The following CMTR1 variants were observed in gnomAD, a reference collection of about 807,000 sequenced individuals.
The protein encoded by CMTR1 is cap-specific mRNA (nucleoside-2'-O-)-methyltransferase 1.
In CMTR1, 39 loss-of-function variants were observed where a neutral mutation model predicts 107.0. The observed-to-expected ratio is 0.36, with a 90% confidence interval of 0.28 to 0.48. The LOEUF is 0.48. CMTR1 is among the 20% of genes least tolerant of loss of function. CMTR1 has a pLI of 0.99. For missense variants in CMTR1, 672 were observed against 1,064.9 expected, an observed-to-expected ratio of 0.63 and a Z score of 5.14; for synonymous variants, 366 against 379.5, an observed-to-expected ratio of 0.96 and a Z score of 0.41.
At chr6:37,471,438 G>A (rs549858788) in intron 14 of CMTR1, among the ~76,000 whole-genome samples, 5 of 152,296 alleles carry the variant, frequency 3.3e-5, no homozygotes, top group Non-Finnish European at 7.3e-5. Context: ...GAAACCTCGG[G>A]TAGGGGGTGA....
intron 11 of CMTR1, 117 bp from the exon 12 acceptor site, chr6:37,461,853 T>C: frequency 1.7e-6 from 2 of 1,210,020 alleles, no homozygotes; most frequent in South Asian, 2.8e-5. Context: ...TGTCTCTGAG[T>C]TTTAACAGAC....
chr6:37,427,042 C>T, the CMTR1 span, among the ~76,000 whole-genome samples: 1 of 152,154 alleles, frequency 6.6e-6, no homozygotes, highest in Non-Finnish European at 1.5e-5. This position sits in a 1 kb window ranked among gnomAD's most constrained non-coding sequence, Gnocchi z 4.4. Context: ...TACCCTGGCT[C>T]CCACAAGCTG....
rs369880709 is a variant in CMTR1, at chr6:37,473,548, G to C, written c.1768G>C (p.Asp590His). The change falls in exon 17 of 24, where the codon GAC becomes CAC. Residue 590 changes from aspartate (D) to histidine (H), a missense_variant. Transcript: ENST00000373451. ...KTLEKIRPVFDYRCMVSGSEQ... is the reference protein window; with the variant it reads ...KTLEKIRPVFHYRCMVSGSEQ... ...CCTGGAGAAGATCCGCCCTGTGTTTGACTACCGCTGCATGGTATCTGGCAG... is the reference window on the plus strand; with the variant it reads ...CCTGGAGAAGATCCGCCCTGTGTTTCACTACCGCTGCATGGTATCTGGCAG... 6.2e-7 allele frequency: 1 copy of C among 1,614,006 alleles called. No individual in the cohort carries two copies. The highest frequency in any genetic ancestry group is 8.5e-7 in the Non-Finnish European group (1 of 1,180,028).
At chr6:37,441,252 A>G (rs115628554) in intron 2 of CMTR1, among the ~76,000 whole-genome samples, 5,703 of 152,268 alleles carry the variant, frequency 0.037, 332 homozygotes, top group African/African-American at 0.13. Context: ...TCTCCTCTGC[A>G]TGGGAGAATA....
At chr6:37,473,418 A>G in intron 16 of CMTR1, 52 bp from the exon 17 acceptor site, 1 of 1,588,804 alleles carries the variant, frequency 6.3e-7, no homozygotes, top group Non-Finnish European at 8.6e-7. Context: ...ATAGGCACCC[A>G]TACTGTCCCT....
rs369178785 is a variant in CMTR1 at position 37,473,946 on chromosome 6, T to G, written c.1821+345T>G. Among the ~76,000 whole-genome samples, 4 of 152,182 alleles carry G rather than the reference T, an allele frequency of 2.6e-5. No individual in the cohort carries two copies. The East Asian group carries it at 7.7e-4, about 29-fold the overall frequency. On this transcript the variant is annotated intron_variant, in intron 17 of 23. Transcript: ENST00000373451. ...CCTTTGCAACACCACCACCACCCCA[T>G]GCCATCCCATCCCCTGTCTTGCAAA... is the stretch of plus-strand genomic sequence containing the variant.
At position 37,481,195 on chromosome 6, in the gene CMTR1, G is replaced by C; in HGVS notation, c.*1050G>C. 1 of 1,303,652 alleles carries C rather than the reference G, an allele frequency of 7.7e-7. No individual in the cohort carries two copies. Among genetic ancestry groups the C allele is most frequent in the Non-Finnish European group, 1.0e-6 (1 of 988,656 alleles). 80.8% of individuals were successfully genotyped at this position (1,303,652 alleles called of 1,614,324 possible). A position where few individuals can be genotyped will look rare whatever the true frequency, so the allele number is the denominator to read the frequency against. ...TTATCTTGGCCGACAACACAGAGAG[G>C]AGGGGGAGCTGGGCAGTAGCTTGGG... On this transcript the variant is annotated 3_prime_UTR_variant, in exon 24 of 24. Transcript: ENST00000373451.
At chr6:37,471,748 A>G in intron 14 of CMTR1, 99 bp from the exon 15 acceptor site, 2 of 1,017,344 alleles carry the variant, frequency 2.0e-6, no homozygotes, top group Non-Finnish European at 3.0e-6. Context: ...TCACATGTTC[A>G]TTCATTCAGG....
At position 37,458,480 on chromosome 6, in the gene CMTR1, G is replaced by A. The variant is rs1394279063; in HGVS notation, c.778-132G>A. 1 of 772,736 alleles carries A rather than the reference G, an allele frequency of 1.3e-6. No homozygotes were observed. Among genetic ancestry groups the A allele is most frequent in the East Asian group, 2.7e-5 (1 of 37,288 alleles). The allele number at this position is 772,736 out of a possible 1,614,324, so 47.9% of individuals were successfully genotyped here. On this transcript the variant is annotated intron_variant, in intron 8 of 23. Coordinates refer to ENST00000373451, the MANE Select transcript of CMTR1 (RefSeq NM_015050.3). This position sits in a 1 kb window ranked among gnomAD's most constrained non-coding sequence, Gnocchi z 4.7. ...TCACCAGAAGATACATTTCCTGGGT[G>A]CTGTAGCTCTGGTGGGAGCTCTGGA...
At chr6:37,479,476 C>G (rs1229215065) in intron 23 of CMTR1, among the ~76,000 whole-genome samples, 1 of 152,228 alleles carries the variant, frequency 6.6e-6, no homozygotes, top group East Asian at 1.9e-4. Flanking sequence ...CCTGGACCTG[C>G]TAATGGTTAC....
intron 4 of CMTR1, 123 bp downstream of exon 4, chr6:37,446,572 T>G: frequency 1.7e-6 from 2 of 1,163,704 alleles, no homozygotes. Flanking sequence ...GAATTAGTTT[T>G]TTACGTGGAA....
chr6:37,463,104 C>G (rs1199113270), intron 13 of CMTR1, 96 bp downstream of exon 13: 1 of 1,299,122 alleles, frequency 7.7e-7, no homozygotes, highest in African/African-American at 1.5e-5. Context: ...ATCACTTTGT[C>G]AACCCTGACA....
chr6:37,456,911 A>G (rs1319814136), intron 8 of CMTR1, among the ~76,000 whole-genome samples: 1 of 152,162 alleles, frequency 6.6e-6, no homozygotes, highest in African/African-American at 2.4e-5. Flanking sequence ...TGGGTTCAGC[A>G]TAAATGTGAG....
chr6:37,447,989 T>G (rs1751258788), intron 4 of CMTR1, among the ~76,000 whole-genome samples: 1 of 151,762 alleles, frequency 6.6e-6, no homozygotes, highest in Non-Finnish European at 1.5e-5. Flanking sequence ...GGCAGGTGGA[T>G]CTCAAGGTCA....
chr6:37,428,176 T>C, the CMTR1 span, among the ~76,000 whole-genome samples: 1 of 152,152 alleles, frequency 6.6e-6, no homozygotes, highest in East Asian at 1.9e-4. Context: ...AAAAATTTTT[T>C]AGGAAAAATG....
chr6:37,470,209 C>T (rs553068755), intron 13 of CMTR1, among the ~76,000 whole-genome samples: 53 of 150,940 alleles, frequency 3.5e-4, no homozygotes, highest in South Asian at 4.2e-4. Context: ...TGCAGTGGCG[C>T]GATCTCGGCT....
chr6:37,459,124 T>C (rs1441620005), intron 9 of CMTR1, among the ~76,000 whole-genome samples: 1 of 152,116 alleles, frequency 6.6e-6, no homozygotes, highest in Non-Finnish European at 1.5e-5. Flanking sequence ...ACTGGCAGGG[T>C]TTTTAACAAA....
rs772586129 is a variant in CMTR1 at position 37,446,419 on chromosome 6, G to C, written c.414G>C (p.Glu138Asp). Reference sequence around the variant, plus strand: ...TGACACTCCGGGGCTTTGACCAGGAGCTGAACGTGGACTGGCGAGATGAGC... The same window carrying C: ...TGACACTCCGGGGCTTTGACCAGGACCTGAACGTGGACTGGCGAGATGAGC... ...LGLTLRGFDQ[E>D]LNVDWRDEPE... is the part of the protein sequence containing the mutation. The change falls in exon 4 of 24, where the codon GAG becomes GAC. Residue 138 changes from glutamate to aspartate, a missense_variant. Physicochemically the swap from Glu to Asp is conservative, Grantham distance 45 (BLOSUM62 2). This residue lies in a region of CMTR1 where 583 missense variants were observed against 968.4 expected (regional missense o/e 0.60). Transcript: ENST00000373451. 6.2e-7 allele frequency: 1 copy of C among 1,613,932 alleles called. No homozygotes were observed. Among genetic ancestry groups the C allele is most frequent in the Non-Finnish European group, 8.5e-7 (1 of 1,180,012 alleles).
rs1259804331 is a variant in CMTR1, at chr6:37,480,359, G to A, written c.*214G>A. ...TGTTCCTTCTGGGACACCTGCCTGG[G>A]AACTTTCCCCTGCCAGGACTCAGCC... On this transcript the variant is annotated 3_prime_UTR_variant, in exon 24 of 24. Transcript: ENST00000373451. 7.4e-6 allele frequency: 10 copies of A among 1,357,940 alleles called. No homozygotes were observed. Among genetic ancestry groups the A allele is most frequent in the African/African-American group, 1.5e-5 (1 of 65,246 alleles). The allele number at this position is 1,357,940 out of a possible 1,614,324, so 84.1% of individuals were successfully genotyped here.
Sources: gnomAD v4.1 joint callset for allele counts (sites outside exome capture counted in the v4.1 genomes callset) on GRCh38, gnomAD v4.1.1 for gene constraint, gnomAD v4.1.1 regional missense constraint, Gnocchi (gnomAD v3.1) non-coding constraint, MANE v1.5 for transcripts, NCBI Gene and HGNC (gene_info 2026-07-23, HGNC 2026-07-21) for gene names.